The following IGSF5 variants were observed in gnomAD, a reference collection of about 807,000 sequenced individuals.
IGSF5 encodes the protein immunoglobulin superfamily 5 like.
In IGSF5, 41 loss-of-function variants were observed where a neutral mutation model predicts 39.4. That is an observed-to-expected ratio of 1.04 (90% confidence interval 0.81 to 1.35). The LOEUF is 1.35. Among genes scored for constraint, IGSF5 ranks in the 40% most tolerant of loss-of-function variants. IGSF5 has a pLI of 0.00. For missense variants in IGSF5, 487 were observed against 494.6 expected (o/e 0.98, Z 0.15); for synonymous variants, 183 against 175.3 (o/e 1.04, Z -0.34).
At chr21:39,743,487 G>C (rs2079956566), upstream of IGSF5, among the ~76,000 whole-genome samples, 1 of 152,196 alleles carries the variant, frequency 6.6e-6, no homozygotes, top group African/African-American at 2.4e-5. Flanking sequence ...ACTCTGGCTG[G>C]GCTGAATTCT....
chr21:39,792,197 G>A (rs967202898), intron 7 of IGSF5, 98 bp downstream of exon 7: 8 of 694,490 alleles, frequency 1.2e-5, no homozygotes, highest in East Asian at 5.4e-5. Context: ...GGCTAACTTG[G>A]CAATGGTGGT....
chr21:39,800,419 G>T (rs456334), intron 8 of IGSF5, among the ~76,000 whole-genome samples: 47,713 of 152,006 alleles, frequency 0.31, 8,645 homozygotes, highest in Non-Finnish European at 0.43. Flanking sequence ...GCACAACCCA[G>T]CAGTGAAAAC....
Position 39,796,503 on chromosome 21 carries a change from G to C in IGSF5, c.1128+2890G>C, listed in dbSNP as rs148193652. Among the ~76,000 whole-genome samples, 8 of 152,338 alleles carry C rather than the reference G, an allele frequency of 5.3e-5. No individual in the cohort carries two copies. In the South Asian group the frequency reaches 1.7e-3, roughly 32 times the overall value. Reference sequence around the variant, plus strand: ...CCTTAGTTCCTTATAGAGCCCAGGAGAGACAGCTGAGAGCTATTCAGAGTC... The same window carrying C: ...CCTTAGTTCCTTATAGAGCCCAGGACAGACAGCTGAGAGCTATTCAGAGTC... On this transcript the variant is annotated intron_variant, in intron 8 of 8. Transcript: ENST00000380588.
intron 2 of IGSF5, among the ~76,000 whole-genome samples, chr21:39,757,875 A>T (rs7282336): frequency 6.6e-6 from 1 of 151,950 alleles, no homozygotes; most frequent in East Asian, 1.9e-4. Context: ...CCGCGCCCAG[A>T]CTGTGCTTTC....
At chr21:39,774,746 A>G (rs370811640) in intron 4 of IGSF5, among the ~76,000 whole-genome samples, 1 of 152,180 alleles carries the variant, frequency 6.6e-6, no homozygotes, top group Non-Finnish European at 1.5e-5. Context: ...AAATGAAGTA[A>G]TGTTTTTAGG....
Position 39,765,669 on chromosome 21 carries a change from C to A in IGSF5, c.235C>A (p.Leu79Ile). ...IMWALSDMVV[L>I]SVRPMEPIIT... ...GTGGGCTCTCAGTGACATGGTGGTGCTAAGCGTCAGGCCCATGGAGCCCAT... is the reference window on the plus strand; with the variant it reads ...GTGGGCTCTCAGTGACATGGTGGTGATAAGCGTCAGGCCCATGGAGCCCAT... Residue 79 changes from leucine to isoleucine, a missense_variant, in exon 3 of 9, where the codon CTA becomes ATA. Physicochemically the swap from Leu to Ile is conservative, Grantham distance 5. Transcript: ENST00000380588. 4 of 1,614,140 alleles carry A rather than the reference C, an allele frequency of 2.5e-6. No individual in the cohort carries two copies. The South Asian group carries it at 4.4e-5, about 18-fold the overall frequency.
chr21:39,754,849 G>C (rs2080022030), intron 2 of IGSF5, among the ~76,000 whole-genome samples: 1 of 152,146 alleles, frequency 6.6e-6, no homozygotes, highest in African/African-American at 2.4e-5. Flanking sequence ...CTTTATGACA[G>C]TGTTCCAACT....
At chr21:39,758,341 A>G (rs1240861326) in intron 2 of IGSF5, among the ~76,000 whole-genome samples, 1 of 151,568 alleles carries the variant, frequency 6.6e-6, no homozygotes, top group African/African-American at 2.4e-5. Context: ...GGTGCAGGGG[A>G]TCTCCCCCAT....
the IGSF5 span, among the ~76,000 whole-genome samples, chr21:39,728,320 T>C: frequency 6.6e-6 from 1 of 151,932 alleles, no homozygotes; most frequent in African/African-American, 2.4e-5. Flanking sequence ...AAAAAGACAA[T>C]GTGAAGATAT....
At chr21:39,724,093 A>G in the IGSF5 span, among the ~76,000 whole-genome samples, 3 of 138,760 alleles carry the variant, frequency 2.2e-5, no homozygotes, top group Non-Finnish European at 4.6e-5. Context: ...AAAATAAAAT[A>G]AAATAAAATA....
chr21:39,750,369 G>T (rs2079998945), intron 2 of IGSF5, among the ~76,000 whole-genome samples: 1 of 152,090 alleles, frequency 6.6e-6, no homozygotes, highest in African/African-American at 2.4e-5. Context: ...TTCACTGGGT[G>T]TGGTGGCTCC....
At chr21:39,720,567 C>G in the IGSF5 span, among the ~76,000 whole-genome samples, 1 of 152,192 alleles carries the variant, frequency 6.6e-6, no homozygotes, top group African/African-American at 2.4e-5. Flanking sequence ...CTGCTCATAA[C>G]TGTCCTAGTG....
At position 39,779,297 on chromosome 21, in the gene IGSF5, GA is replaced by G. The variant is rs1243779946; in HGVS notation, c.931del (p.Arg311GlufsTer96). 36 of 1,611,032 alleles carry G rather than the reference GA, an allele frequency of 2.2e-5. No homozygotes were observed. The East Asian group carries it at 7.4e-4, about 33-fold the overall frequency. On this transcript the variant is annotated frameshift_variant, in exon 5 of 9. Coordinates refer to ENST00000380588, the MANE Select transcript of IGSF5 (RefSeq NM_001080444.2). LOFTEE classifies it high-confidence loss of function. ...TGCCGTTGTTGTTTCTGCTGTAGAA[GA>G]AAAAGAGGTAATTTTTTTGTTCATT... ...CCCRCCFCCR[R>X]KRGFRIQFQK...
intron 5 of IGSF5, among the ~76,000 whole-genome samples, chr21:39,784,886 C>T (rs77688788): frequency 0.039 from 5,964 of 152,132 alleles, 360 homozygotes; most frequent in African/African-American, 0.14. Context: ...GATTAACTGA[C>T]CACATAGGAA....
chr21:39,742,214 T>A (rs955737256), upstream of IGSF5, among the ~76,000 whole-genome samples: 1 of 151,948 alleles, frequency 6.6e-6, no homozygotes, highest in African/African-American at 2.4e-5. Flanking sequence ...TGGCCCCTGC[T>A]TTTACTAGAA....
chr21:39,797,499 G>T (rs11910070), intron 8 of IGSF5, among the ~76,000 whole-genome samples: 1 of 151,988 alleles, frequency 6.6e-6, no homozygotes, highest in South Asian at 2.1e-4. Flanking sequence ...TATTACAGGC[G>T]TGAGACAGCT....
the IGSF5 span, among the ~76,000 whole-genome samples, chr21:39,737,496 C>A: frequency 6.6e-6 from 1 of 152,216 alleles, no homozygotes; most frequent in Non-Finnish European, 1.5e-5. Context: ...TCTGACCGAC[C>A]GGCTTCAAGC....
intron 5 of IGSF5, among the ~76,000 whole-genome samples, chr21:39,781,182 C>T (rs1020674718): frequency 1.6e-5 from 2 of 126,500 alleles, no homozygotes; most frequent in African/African-American, 3.0e-5. Flanking sequence ...ATTTCAGACA[C>T]GTGAATATTT....
the IGSF5 span, among the ~76,000 whole-genome samples, chr21:39,738,695 G>A: frequency 1.3e-5 from 2 of 151,806 alleles, no homozygotes; most frequent in Non-Finnish European, 2.9e-5. The surrounding 1 kb of genome is among the most constrained non-coding windows in gnomAD (Gnocchi z 6.4). Context: ...GTGGACACTG[G>A]GCGAGTAGAC....
Sources: allele counts gnomAD v4.1 joint callset (sites outside exome capture counted in the v4.1 genomes callset), GRCh38; gene constraint gnomAD v4.1.1; non-coding constraint Gnocchi (gnomAD v3.1); transcripts MANE v1.5; gene names NCBI Gene and HGNC (gene_info 2026-07-23, HGNC 2026-07-21).